The following ZBBX variants were observed in gnomAD, a reference collection of about 807,000 sequenced individuals.
ZBBX encodes zinc finger B-box domain-containing protein 1.
A neutral mutation model predicts 108.5 loss-of-function variants in ZBBX; 101 were observed. That is an observed-to-expected ratio of 0.93 (90% CI 0.79 to 1.10). ZBBX has a LOEUF of 1.10. Ranked by LOEUF, ZBBX falls within the 50% of genes least tolerant of loss-of-function variation. The pLI is 0.00. For synonymous variants in ZBBX, 356 were observed against 323.4 expected (o/e 1.10, Z -1.08); for missense variants, 1,009 against 941.4 (o/e 1.07, Z -0.94).
chr3:167,321,223 G>A (rs1400678476), intron 12 of ZBBX, among the ~76,000 whole-genome samples: 1 of 151,966 alleles, frequency 6.6e-6, no homozygotes, highest in Non-Finnish European at 1.5e-5. Flanking sequence ...ACAAACAGTT[G>A]AAGGTGAGTG....
intron 20 of ZBBX, among the ~76,000 whole-genome samples, chr3:167,263,302 A>C (rs1487574275): frequency 6.6e-6 from 1 of 152,106 alleles, no homozygotes; most frequent in Non-Finnish European, 1.5e-5. Flanking sequence ...CTGGTTCTTT[A>C]AGATACAGGT....
chr3:167,190,669 C>T, the ZBBX span, among the ~76,000 whole-genome samples: 4 of 152,144 alleles, frequency 2.6e-5, no homozygotes, highest in Non-Finnish European at 4.4e-5. Context: ...CGTGAGCCAC[C>T]GCGTCCGGCC....
At chr3:167,401,481 C>T (rs1055603743) in intron 1 of ZBBX, 9 of 152,068 alleles carry the variant, frequency 5.9e-5, no homozygotes, top group African/African-American at 1.4e-4. Flanking sequence ...GACAGCAGCC[C>T]GGAAGGCTGC....
the ZBBX span, among the ~76,000 whole-genome samples, chr3:167,206,225 T>A: frequency 1.3e-5 from 2 of 152,120 alleles, no homozygotes; most frequent in Non-Finnish European, 2.9e-5. Context: ...ATAAGTTAGA[T>A]CATATAGTAT....
chr3:167,322,315 C>T (rs1360584368), intron 11 of ZBBX, 78 bp from the exon 12 acceptor site: 1 of 1,245,862 alleles, frequency 8.0e-7, no homozygotes, highest in Non-Finnish European at 1.0e-6. Context: ...AGATGTAGAA[C>T]TCATCATTTT....
At chr3:167,179,155 G>T in the ZBBX span, among the ~76,000 whole-genome samples, 2,031 of 152,162 alleles carry the variant, frequency 0.013, 22 homozygotes, top group South Asian at 0.026. Context: ...GAGAAAAGGT[G>T]TCCACACATA....
At chr3:167,211,007 G>C in the ZBBX span, among the ~76,000 whole-genome samples, 1 of 152,160 alleles carries the variant, frequency 6.6e-6, no homozygotes, top group Non-Finnish European at 1.5e-5. Context: ...GAAGCAGCTA[G>C]TGTGTGTGAT....
the ZBBX span, among the ~76,000 whole-genome samples, chr3:167,227,524 A>G: frequency 1.3e-5 from 2 of 151,706 alleles, no homozygotes; most frequent in African/African-American, 4.8e-5. Context: ...ATATCTCAGC[A>G]TCAAGTCCAT....
chr3:167,294,865 TC>T (rs1731345256), intron 18 of ZBBX, among the ~76,000 whole-genome samples: 1 of 151,922 alleles, frequency 6.6e-6, no homozygotes, highest in Non-Finnish European at 1.5e-5. Context: ...AACAACCCCA[TC>T]CAAAAGTAGG....
At chr3:167,347,824 C>T (rs1036959355) in intron 9 of ZBBX, among the ~76,000 whole-genome samples, 3 of 151,904 alleles carry the variant, frequency 2.0e-5, no homozygotes, top group African/African-American at 7.2e-5. Context: ...ACTTTGGTCT[C>T]CACAGATGGT....
the ZBBX span, among the ~76,000 whole-genome samples, chr3:167,205,206 T>C: frequency 5.9e-5 from 9 of 152,198 alleles, no homozygotes; most frequent in East Asian, 1.7e-3. Context: ...GAAGGTCTAT[T>C]ACACTGAAGA....
intron 20 of ZBBX, among the ~76,000 whole-genome samples, chr3:167,279,717 T>A (rs1387185135): frequency 6.6e-6 from 1 of 151,894 alleles, no homozygotes; most frequent in East Asian, 1.9e-4. Context: ...AAGCTACCAA[T>A]GACTTTCTTC....
In ZBBX at chr3:167,397,142, TAAAAAAAA is replaced by T. The variant is rs61671930; in HGVS notation, c.-446+10576_-446+10583del. Among the ~76,000 whole-genome samples the T allele has an allele frequency of 8.1e-4, 59 of 72,414 alleles. 3 individuals are homozygous for T. Among genetic ancestry groups the T allele is most frequent in the Non-Finnish European group, 1.3e-3 (50 of 37,606 alleles). 47.5% of individuals were successfully genotyped at this position (72,414 alleles called of 152,430 possible). On this transcript the variant is annotated intron_variant, in intron 1 of 21. Coordinates refer to the ZBBX transcript ENST00000455345. ...GTCGTGAAGAAGAGGTTCTTGGTGG[TAAAAAAAA>T]AAAAAAAAAAAAAAAATCTGACTCC...
chr3:167,202,788 G>T, the ZBBX span, among the ~76,000 whole-genome samples: 1 of 152,082 alleles, frequency 6.6e-6, no homozygotes, highest in Admixed American at 6.6e-5. Flanking sequence ...ACTCTTGGTA[G>T]AAATAAACTG....
At chr3:167,370,010 C>A (rs2108587053) in intron 4 of ZBBX, among the ~76,000 whole-genome samples, 1 of 152,104 alleles carries the variant, frequency 6.6e-6, no homozygotes, top group South Asian at 2.1e-4. Flanking sequence ...CCTTGTAAGC[C>A]ATGATGAGAA....
At chr3:167,310,296 C>T (rs1734358330) in intron 16 of ZBBX, among the ~76,000 whole-genome samples, 1 of 152,190 alleles carries the variant, frequency 6.6e-6, no homozygotes, top group Non-Finnish European at 1.5e-5. Context: ...AGCTTTCCCA[C>T]ATCTTCTTTT....
chr3:167,340,614 T>C (rs1740376747), intron 9 of ZBBX, among the ~76,000 whole-genome samples: 1 of 151,984 alleles, frequency 6.6e-6, no homozygotes, highest in Admixed American at 6.6e-5. Context: ...GGCTTTATCA[T>C]AGTCAAGTCT....
chr3:167,258,155 G>A (rs1015479098), intron 20 of ZBBX, among the ~76,000 whole-genome samples: 3 of 152,022 alleles, frequency 2.0e-5, no homozygotes, highest in African/African-American at 7.2e-5. Flanking sequence ...GTAGATGTTG[G>A]CATGGATGCG....
At chr3:167,236,110 G>T (rs1390344603), downstream of ZBBX, among the ~76,000 whole-genome samples, 3 of 151,532 alleles carry the variant, frequency 2.0e-5, no homozygotes, top group African/African-American at 7.3e-5. Flanking sequence ...ATAAAATTCT[G>T]GTAAAATTTT....
Sources: gnomAD v4.1 joint callset for allele counts (sites outside exome capture counted in the v4.1 genomes callset) on GRCh38, gnomAD v4.1.1 for gene constraint, MANE v1.5 for transcripts, NCBI Gene and HGNC (gene_info 2026-07-23, HGNC 2026-07-21) for gene names.